SEMA6D: variants seen among roughly 807,000 people sequenced by gnomAD.
SEMA6D encodes semaphorin-6D.
SEMA6D carries 35 observed loss-of-function variants against 106.6 expected under a neutral mutation model. The ratio of observed to expected loss-of-function variants is 0.33; its 90% CI spans 0.25 to 0.44. SEMA6D has a LOEUF of 0.44. Among genes scored for constraint, SEMA6D ranks in the 20% least tolerant of loss-of-function variants. The pLI is 1.00. For synonymous variants in SEMA6D, 499 were observed against 487.7 expected (o/e 1.02, Z -0.31); for missense variants, 1,185 against 1,345.9 (o/e 0.88, Z 1.87).
At chr15:47,701,671 A>T (rs2078815004) in intron 4 of SEMA6D, among the ~76,000 whole-genome samples, 2 of 152,240 alleles carry the variant, frequency 1.3e-5, no homozygotes, top group Non-Finnish European at 2.9e-5. Flanking sequence ...TAAAATTAAA[A>T]AGACTTTTGT....
chr15:47,600,417 A>G (rs2076625322), intron 3 of SEMA6D, among the ~76,000 whole-genome samples: 1 of 152,160 alleles, frequency 6.6e-6, no homozygotes, highest in African/African-American at 2.4e-5. Flanking sequence ...AAAATGAGAT[A>G]TGATGTTGCA....
At chr15:47,490,372 A>T (rs1423917254) in intron 3 of SEMA6D, among the ~76,000 whole-genome samples, 1 of 152,004 alleles carries the variant, frequency 6.6e-6, no homozygotes, top group Admixed American at 6.6e-5. Context: ...ACATCCAGGC[A>T]TGGTGGCTCA....
rs1178741931 is a variant in SEMA6D, at chr15:47,773,602, C to G, written c.*1817C>G. Reference sequence around the variant, plus strand: ...TGGGGGAGGACATGTTGCAGAAGACCAGATCATTTTTATACAGAATGTGAA... The same window carrying G: ...TGGGGGAGGACATGTTGCAGAAGACGAGATCATTTTTATACAGAATGTGAA... On this transcript the variant is annotated 3_prime_UTR_variant, in exon 19 of 19. Coordinates refer to ENST00000536845, the MANE Select transcript of SEMA6D (RefSeq NM_001358351.3). 1 of 152,238 alleles carries G rather than the reference C, an allele frequency of 6.6e-6. No individual in the cohort carries two copies. The highest frequency in any genetic ancestry group is 6.6e-5 in the Admixed American group (1 of 15,260). 9.4% of individuals were successfully genotyped at this position (152,238 alleles called of 1,614,324 possible).
chr15:47,535,620 AG>A (rs1282193192), intron 3 of SEMA6D, among the ~76,000 whole-genome samples: 1 of 151,958 alleles, frequency 6.6e-6, no homozygotes, highest in African/African-American at 2.4e-5. Flanking sequence ...GATACCCTAG[AG>A]GGAGTTAAGA....
chr15:47,434,506 T>C (rs954284881), intron 2 of SEMA6D, among the ~76,000 whole-genome samples: 3 of 152,138 alleles, frequency 2.0e-5, no homozygotes, highest in East Asian at 1.9e-4. Flanking sequence ...GACAGTTTTC[T>C]GCTGTTTTCC....
At chr15:47,697,228 G>C (rs1486880783) in intron 4 of SEMA6D, among the ~76,000 whole-genome samples, 1 of 152,142 alleles carries the variant, frequency 6.6e-6, no homozygotes, top group East Asian at 1.9e-4. Context: ...GAGCAGGATG[G>C]AGGGCCCTGA....
chr15:47,483,316 A>G (rs746406421), intron 3 of SEMA6D, among the ~76,000 whole-genome samples: 13 of 152,134 alleles, frequency 8.5e-5, no homozygotes, highest in Non-Finnish European at 1.9e-4. Flanking sequence ...TTTTTAGGAG[A>G]CCAGAGACTG....
At chr15:47,577,557 G>C (rs2076177012) in intron 3 of SEMA6D, among the ~76,000 whole-genome samples, 1 of 152,234 alleles carries the variant, frequency 6.6e-6, no homozygotes, top group South Asian at 2.1e-4. Flanking sequence ...CCAGTGGCTT[G>C]CTGCAAAATT....
intron 1 of SEMA6D, among the ~76,000 whole-genome samples, chr15:47,729,852 G>A (rs913811208): frequency 1.3e-5 from 2 of 152,152 alleles, no homozygotes; most frequent in Non-Finnish European, 2.9e-5. Context: ...AGAGCAATTC[G>A]AAAAAGGAGC....
intron 1 of SEMA6D, among the ~76,000 whole-genome samples, chr15:47,207,652 G>A (rs892752947): frequency 6.6e-6 from 1 of 152,058 alleles, no homozygotes; most frequent in African/African-American, 2.4e-5. Flanking sequence ...TAGCAAATCT[G>A]CCTGGCTACC....
intron 1 of SEMA6D, among the ~76,000 whole-genome samples, chr15:47,293,193 A>G (rs1255081626): frequency 2.6e-5 from 4 of 152,144 alleles, no homozygotes; most frequent in African/African-American, 7.2e-5. Flanking sequence ...TCTTCCTTGC[A>G]TGAAGCTCTC....
chr15:47,734,909 T>C (rs1174170621), intron 1 of SEMA6D, among the ~76,000 whole-genome samples: 1 of 152,176 alleles, frequency 6.6e-6, no homozygotes, highest in Admixed American at 6.5e-5. Flanking sequence ...ACATGCAGTT[T>C]GGTGGTTTTT....
At chr15:47,379,719 C>T (rs1222177160) in intron 1 of SEMA6D, among the ~76,000 whole-genome samples, 2 of 152,124 alleles carry the variant, frequency 1.3e-5, no homozygotes, top group Admixed American at 6.5e-5. Flanking sequence ...ATGTAAAGTG[C>T]TGAGCAGAAA....
intron 4 of SEMA6D, among the ~76,000 whole-genome samples, chr15:47,693,652 G>T (rs2078637007): frequency 6.6e-6 from 1 of 152,078 alleles, no homozygotes. Flanking sequence ...AAATTTCTGT[G>T]GGCCAGATGC....
intron 4 of SEMA6D, among the ~76,000 whole-genome samples, chr15:47,658,171 CTT>C (rs1293196571): frequency 6.6e-6 from 1 of 152,012 alleles, no homozygotes; most frequent in Admixed American, 6.6e-5. Context: ...ATGTTATTGA[CTT>C]ATAAAAATAG....
intron 1 of SEMA6D, among the ~76,000 whole-genome samples, chr15:47,367,692 GCACA>G (rs72057750): frequency 0.051 from 3,747 of 73,200 alleles, 127 homozygotes; most frequent in African/African-American, 0.12. Context: ...GCGCGCGCGC[GCACA>G]CACACACACA....
At chr15:47,246,831 TCTGCCTACTATTGCAGTCTC>T (rs1566948978) in intron 1 of SEMA6D, among the ~76,000 whole-genome samples, 1 of 152,218 alleles carries the variant, frequency 6.6e-6, no homozygotes, top group Non-Finnish European at 1.5e-5. Context: ...GGGCCATTAT[TCTGCCTACTATTGCAGTCTC>T]CTCGTGAGGG....
At chr15:47,498,010 T>C (rs1428440517) in intron 3 of SEMA6D, among the ~76,000 whole-genome samples, 1 of 152,144 alleles carries the variant, frequency 6.6e-6, no homozygotes, top group Non-Finnish European at 1.5e-5. Context: ...CTTTGTATAC[T>C]GTGGTCAGAC....
intron 1 of SEMA6D, among the ~76,000 whole-genome samples, chr15:47,225,497 G>A (rs192415073): frequency 1.4e-4 from 20 of 138,534 alleles, no homozygotes; most frequent in Admixed American, 7.2e-4. Context: ...TTTTTTAATC[G>A]GGTGTTTTTT....
Sources: allele counts gnomAD v4.1 joint callset (sites outside exome capture counted in the v4.1 genomes callset), GRCh38; gene constraint gnomAD v4.1.1; transcripts MANE v1.5; gene names NCBI Gene and HGNC (gene_info 2026-07-23, HGNC 2026-07-21).